Variants in LPP observed in about 807,000 individuals in gnomAD.
LPP encodes LIM domain containing preferred translocation partner in lipoma, also known as lipoma-preferred partner.
A neutral mutation model predicts 60.4 loss-of-function variants in LPP; 38 were observed. The ratio of observed to expected loss-of-function variants is 0.63; its 90% confidence interval spans 0.49 to 0.83. The LOEUF is 0.83. LPP is among the 40% of genes least tolerant of loss of function. The pLI, the probability that LPP is intolerant of heterozygous loss-of-function variation, is 0.00. For synonymous variants in LPP, 328 were observed against 290.8 expected (o/e 1.13, Z -1.30); for missense variants, 902 against 783.6 (o/e 1.15, Z -1.80).
chr3:188,240,110 T>C (rs189275568), intron 2 of LPP: 1 of 193,742 alleles, frequency 5.2e-6, no homozygotes, highest in East Asian at 8.1e-5. Flanking sequence ...GATACATCTG[T>C]GACCTGGGAT....
At chr3:188,176,272 A>C (rs1439821555) in intron 1 of LPP, among the ~76,000 whole-genome samples, 1 of 152,160 alleles carries the variant, frequency 6.6e-6, no homozygotes, top group Non-Finnish European at 1.5e-5. Context: ...AGAACCTATG[A>C]TCTAGTTCAA....
intron 7 of LPP, among the ~76,000 whole-genome samples, chr3:188,675,156 G>A (rs1857753713): frequency 6.6e-6 from 1 of 152,208 alleles, no homozygotes; most frequent in African/African-American, 2.4e-5. Context: ...AAAAGATGGA[G>A]GAATTGAACG....
intron 7 of LPP, among the ~76,000 whole-genome samples, chr3:188,656,462 CA>C (rs1853239543): frequency 6.6e-6 from 1 of 151,658 alleles, no homozygotes; most frequent in South Asian, 2.1e-4. Flanking sequence ...TGTGTAGACT[CA>C]AAAAAAGCAA....
chr3:188,522,160 G>C (rs1383777387), intron 5 of LPP, among the ~76,000 whole-genome samples: 1 of 152,174 alleles, frequency 6.6e-6, no homozygotes, highest in African/African-American at 2.4e-5. Context: ...GCCTTAAACA[G>C]TTTAATCAGA....
At chr3:188,792,087 C>T (rs769669085) in intron 9 of LPP, among the ~76,000 whole-genome samples, 35 of 152,126 alleles carry the variant, frequency 2.3e-4, no homozygotes, top group Admixed American at 5.2e-4. Context: ...GTCCTTCTTC[C>T]CACTGCCATC....
At chr3:188,295,398 CA>C (rs1560212268) in intron 2 of LPP, among the ~76,000 whole-genome samples, 1 of 152,192 alleles carries the variant, frequency 6.6e-6, no homozygotes, top group Admixed American at 6.5e-5. Context: ...CATCTAGTGA[CA>C]AAACCACAGT....
At chr3:188,699,373 T>G (rs904654763) in intron 7 of LPP, among the ~76,000 whole-genome samples, 2 of 152,178 alleles carry the variant, frequency 1.3e-5, no homozygotes, top group African/African-American at 4.8e-5. Context: ...CTGCAGTAAC[T>G]CTTCCAACAA....
At position 188,609,278 on chromosome 3, in the gene LPP, C is replaced by G; in HGVS notation, c.547C>G (p.Gln183Glu). ...TATKKSTLKP[Q>E]PAPQAGPIPV... The stretch of plus-strand genomic sequence containing the variant: ...AACCAAGAAGTCTACATTGAAACCA[C>G]AGCCTGCACCCCAGGCTGGACCCAT... Residue 183 changes from glutamine to glutamate, a missense_variant, in exon 7 of 12, where the codon CAG becomes GAG. Gln to Glu is a conservative substitution (Grantham distance 29). Transcript: ENST00000617246. The surrounding 1 kb of genome is among the most constrained non-coding windows in gnomAD (Gnocchi z 6.9). The G allele has an allele frequency of 6.2e-7, 1 of 1,614,146 alleles. No individual in the cohort carries two copies. The highest frequency in any genetic ancestry group is 1.1e-5 in the South Asian group (1 of 91,082).
rs1738589257 is a variant in LPP at position 188,273,591 on chromosome 3, T to TTC, written c.-67+48065_-67+48066insCT. On this transcript the variant is annotated intron_variant, in intron 2 of 11. Coordinates refer to ENST00000617246, the MANE Select transcript of LPP (RefSeq NM_001375462.1). ...ACCTTGACTTGGCTATTTTATATCT[T>TTC]TTTTTTTTTTTTTTTTTTTTTGAGA... Among the ~76,000 whole-genome samples, 2 of 123,448 alleles carry TTC rather than the reference T, an allele frequency of 1.6e-5. 1 individual carries two copies. Among genetic ancestry groups the TTC allele is most frequent in the South Asian group, 5.4e-4 (2 of 3,674 alleles). The allele number at this position is 123,448 out of a possible 152,430, so 81.0% of individuals were successfully genotyped here. A position where few individuals can be genotyped will look rare whatever the true frequency, so the allele number is the denominator to read the frequency against.
chr3:188,220,204 C>T (rs913077108), intron 1 of LPP, among the ~76,000 whole-genome samples: 1 of 152,068 alleles, frequency 6.6e-6, no homozygotes, highest in Admixed American at 6.6e-5. Context: ...CTGATTCTCC[C>T]GGTGAGGTCA....
At chr3:188,432,580 T>C (rs1791187895) in intron 4 of LPP, among the ~76,000 whole-genome samples, 1 of 152,084 alleles carries the variant, frequency 6.6e-6, no homozygotes, top group Non-Finnish European at 1.5e-5. Context: ...TTTTTTTTTT[T>C]TTTAAAGCTC....
chr3:188,612,047 T>C (rs1843822997), intron 7 of LPP, among the ~76,000 whole-genome samples: 3 of 152,240 alleles, frequency 2.0e-5, no homozygotes. Flanking sequence ...AGATGATCTA[T>C]TAGATGATTA....
In LPP at chr3:188,879,743, T is replaced by C; in HGVS notation, c.*5264T>C. 5.5e-6 allele frequency: 1 copy of C among 181,426 alleles called. No individual in the cohort carries two copies. The allele number at this position is 181,426 out of a possible 1,614,324, so 11.2% of individuals were successfully genotyped here. Reference sequence around the variant, plus strand: ...TTTCCTTATAGCAAAGGAATAACTATTGTATTTTCAGAATTTTAACACAGA... The same window carrying C: ...TTTCCTTATAGCAAAGGAATAACTACTGTATTTTCAGAATTTTAACACAGA... On this transcript the variant is annotated 3_prime_UTR_variant, in exon 12 of 12. Coordinates refer to ENST00000617246, the MANE Select transcript of LPP (RefSeq NM_001375462.1).
At chr3:188,308,546 C>T (rs1752252632) in intron 2 of LPP, among the ~76,000 whole-genome samples, 1 of 151,946 alleles carries the variant, frequency 6.6e-6, no homozygotes, top group Non-Finnish European at 1.5e-5. Context: ...CTGCTATGGC[C>T]CAGGCACCGA....
At chr3:188,704,977 C>T (rs543610866) in intron 7 of LPP, among the ~76,000 whole-genome samples, 11 of 152,054 alleles carry the variant, frequency 7.2e-5, no homozygotes, top group African/African-American at 2.7e-4. Flanking sequence ...CCACTCACAC[C>T]AAACTACGTC....
At chr3:188,502,831 C>G (rs1812299311) in intron 5 of LPP, among the ~76,000 whole-genome samples, 1 of 151,962 alleles carries the variant, frequency 6.6e-6, no homozygotes, top group Admixed American at 6.6e-5. Flanking sequence ...TAATATAAAG[C>G]TTATTTTATA....
intron 7 of LPP, among the ~76,000 whole-genome samples, chr3:188,707,766 T>C (rs1865776325): frequency 2.0e-5 from 3 of 152,136 alleles, no homozygotes; most frequent in African/African-American, 7.2e-5. Context: ...TACCTGTATG[T>C]TTTCTCCCTT....
chr3:188,438,581 C>T, intron 4 of LPP, among the ~76,000 whole-genome samples: 1 of 152,074 alleles, frequency 6.6e-6, no homozygotes, highest in East Asian at 1.9e-4. Context: ...ACTGTTCTTC[C>T]CATTTATGAG....
At chr3:188,319,802 C>T (rs147238743) in intron 2 of LPP, among the ~76,000 whole-genome samples, 22 of 152,280 alleles carry the variant, frequency 1.4e-4, no homozygotes, top group Non-Finnish European at 2.5e-4. Context: ...GTGATTATAT[C>T]TTTTATTGGC....
Sources: allele counts gnomAD v4.1 joint callset (sites outside exome capture counted in the v4.1 genomes callset), GRCh38; gene constraint gnomAD v4.1.1; non-coding constraint Gnocchi (gnomAD v3.1); transcripts MANE v1.5; gene names NCBI Gene and HGNC (gene_info 2026-07-23, HGNC 2026-07-21).